The following DOCK3 variants were observed in gnomAD, a reference collection of about 807,000 sequenced individuals.
DOCK3 encodes the protein dedicator of cytokinesis 3.
In DOCK3, 60 loss-of-function variants were observed where a neutral mutation model predicts 265.6. The observed-to-expected ratio is 0.23, with a 90% CI of 0.18 to 0.28. DOCK3 has a LOEUF of 0.28. DOCK3 is among the 10% of genes least tolerant of loss of function. The pLI is 1.00. For missense variants in DOCK3, 1,981 were observed against 2,594.3 expected (o/e 0.76, Z 5.14); for synonymous variants, 881 against 938.0 (o/e 0.94, Z 1.11).
intron 2 of DOCK3, among the ~76,000 whole-genome samples, chr3:50,832,944 A>G (rs914429871): frequency 6.6e-6 from 1 of 152,188 alleles, no homozygotes; most frequent in Non-Finnish European, 1.5e-5. Context: ...TTAAGAAAAC[A>G]TTTAGTAAGC....
chr3:51,304,132 G>A (rs1290393241), intron 27 of DOCK3, among the ~76,000 whole-genome samples: 1 of 152,102 alleles, frequency 6.6e-6, no homozygotes, highest in Non-Finnish European at 1.5e-5. Flanking sequence ...AATTCCTGCA[G>A]GGAGGCCCCA....
rs2077312595 is a variant in DOCK3 at position 50,973,279 on chromosome 3, C to A, written c.315+39202C>A. Among the ~76,000 whole-genome samples, 6 of 137,228 alleles carry A rather than the reference C, an allele frequency of 4.4e-5. No individual in the cohort carries two copies. The South Asian group carries it at 1.4e-3, about 31-fold the overall frequency. The allele number at this position is 137,228 out of a possible 152,430, so 90.0% of individuals were successfully genotyped here. ...CCTTAGGTATATCTCCCAGTGCTAT[C>A]CCTCCCCCCTCCCCCCACCCCAAAA... On this transcript the variant is annotated intron_variant, in intron 5 of 52. Transcript: ENST00000266037.
At chr3:51,195,443 C>A (rs2088223545) in intron 12 of DOCK3, among the ~76,000 whole-genome samples, 1 of 151,972 alleles carries the variant, frequency 6.6e-6, no homozygotes, top group Non-Finnish European at 1.5e-5. Flanking sequence ...GAGACAGAGT[C>A]TTGCTCTGTC....
At chr3:50,915,275 C>T (rs1315593479) in intron 4 of DOCK3, among the ~76,000 whole-genome samples, 1 of 151,936 alleles carries the variant, frequency 6.6e-6, no homozygotes, top group Admixed American at 6.6e-5. Flanking sequence ...TGACTCTAGA[C>T]CATGAGATGG....
At chr3:50,750,817 G>T (rs1370677205) in intron 1 of DOCK3, among the ~76,000 whole-genome samples, 2 of 152,150 alleles carry the variant, frequency 1.3e-5, no homozygotes, top group Non-Finnish European at 1.5e-5. Context: ...CATCCAGCTG[G>T]TGTGTGCTAT....
At chr3:50,817,429 A>G (rs1180560156) in intron 2 of DOCK3, among the ~76,000 whole-genome samples, 1 of 152,030 alleles carries the variant, frequency 6.6e-6, no homozygotes, top group Non-Finnish European at 1.5e-5. Context: ...GTAGCTGGAC[A>G]GCAGGCATTG....
chr3:50,922,012 C>G (rs1183031347), intron 4 of DOCK3, among the ~76,000 whole-genome samples: 1 of 152,210 alleles, frequency 6.6e-6, no homozygotes, highest in Non-Finnish European at 1.5e-5. Flanking sequence ...AAAGGACCCA[C>G]TTGAGGAGGC....
At chr3:51,302,843 C>T (rs949090341) in intron 27 of DOCK3, among the ~76,000 whole-genome samples, 6 of 152,096 alleles carry the variant, frequency 3.9e-5, no homozygotes, top group Non-Finnish European at 8.8e-5. Flanking sequence ...TGTCTGGCTG[C>T]CCTTAACATT....
At chr3:50,783,337 C>CT (rs563080520) in intron 2 of DOCK3, among the ~76,000 whole-genome samples, 49 of 149,140 alleles carry the variant, frequency 3.3e-4, no homozygotes, top group South Asian at 8.6e-4. Context: ...GTGCCAATAT[C>CT]TTTTTTTTTT....
chr3:51,182,183 C>G (rs960042386), intron 12 of DOCK3, among the ~76,000 whole-genome samples: 1 of 152,138 alleles, frequency 6.6e-6, no homozygotes, highest in South Asian at 2.1e-4. Context: ...ATGTTTGAAT[C>G]TTGGCCCCAC....
intron 3 of DOCK3, among the ~76,000 whole-genome samples, chr3:50,873,746 G>A (rs1255315389): frequency 6.6e-6 from 1 of 152,146 alleles, no homozygotes; most frequent in East Asian, 1.9e-4. Flanking sequence ...ATTCTCCTCT[G>A]CCTAGGGCTG....
intron 5 of DOCK3, among the ~76,000 whole-genome samples, chr3:51,053,486 G>C (rs2081083960): frequency 1.3e-5 from 2 of 148,420 alleles, no homozygotes; most frequent in African/African-American, 5.0e-5. Context: ...GCAGTGGCAT[G>C]ATCTCGCTCC....
At position 51,361,745 on chromosome 3, in the gene DOCK3, T is replaced by A; in HGVS notation, c.5007-114T>A. 1 of 1,414,256 alleles carries A rather than the reference T, an allele frequency of 7.1e-7. No individual in the cohort carries two copies. The highest frequency in any genetic ancestry group is 9.5e-7 in the Non-Finnish European group (1 of 1,050,406). 87.6% of individuals were successfully genotyped at this position (1,414,256 alleles called of 1,614,324 possible). A position where few individuals can be genotyped will look rare whatever the true frequency, so the allele number is the denominator to read the frequency against. ...GGTATGAGCATTGACTATGGAACCC[T>A]CCAAACCGGTGGTAGCTGAAACCAG... On this transcript the variant is annotated intron_variant, in intron 47 of 52. Transcript: ENST00000266037. This position sits in a 1 kb window ranked among gnomAD's most constrained non-coding sequence, Gnocchi z 4.2.
At chr3:50,773,105 A>G (rs2041375805) in intron 1 of DOCK3, among the ~76,000 whole-genome samples, 1 of 152,144 alleles carries the variant, frequency 6.6e-6, no homozygotes, top group South Asian at 2.1e-4. Context: ...AGAACAATGG[A>G]ACAGAATAGA....
chr3:51,190,444 C>A (rs530310525), intron 12 of DOCK3, among the ~76,000 whole-genome samples: 1 of 152,296 alleles, frequency 6.6e-6, no homozygotes, highest in African/African-American at 2.4e-5. Context: ...TGTTGACTTT[C>A]TCAGATGCCA....
intron 21 of DOCK3, among the ~76,000 whole-genome samples, chr3:51,239,511 T>C (rs1377198241): frequency 1.3e-5 from 2 of 151,792 alleles, no homozygotes; most frequent in Non-Finnish European, 2.9e-5. Flanking sequence ...CCTCATTTCT[T>C]TGTGCATTTG....
chr3:50,805,032 C>G (rs558501392), intron 2 of DOCK3, among the ~76,000 whole-genome samples: 1 of 152,086 alleles, frequency 6.6e-6, no homozygotes, highest in South Asian at 2.1e-4. Flanking sequence ...TGATTGAGAT[C>G]TGTTACTGGA....
At chr3:51,357,229 T>C (rs889459009) in intron 44 of DOCK3, 88 bp downstream of exon 44, 8 of 1,436,254 alleles carry the variant, frequency 5.6e-6, no homozygotes, top group Non-Finnish European at 7.5e-6. Context: ...TATAGTCTCC[T>C]TAGGTAGCCT....
chr3:51,278,855 A>T (rs2080963005), intron 26 of DOCK3, among the ~76,000 whole-genome samples: 1 of 152,110 alleles, frequency 6.6e-6, no homozygotes, highest in African/African-American at 2.4e-5. Flanking sequence ...ATGTACATTA[A>T]CCCATCTGAC....
Sources: gnomAD v4.1 joint callset for allele counts (sites outside exome capture counted in the v4.1 genomes callset) on GRCh38, gnomAD v4.1.1 for gene constraint, Gnocchi (gnomAD v3.1) non-coding constraint, MANE v1.5 for transcripts, NCBI Gene and HGNC (gene_info 2026-07-23, HGNC 2026-07-21) for gene names.